Variants in ASB15 observed in about 807,000 individuals in gnomAD.
ASB15 encodes ankyrin repeat and SOCS box protein 15.
Under a neutral mutation model 58.0 loss-of-function variants are expected in ASB15, and 54 were observed. The observed-to-expected ratio is 0.93, with a 90% CI of 0.75 to 1.17. The LOEUF (loss-of-function observed/expected upper bound fraction) is 1.17, where lower values mean the gene tolerates loss of function less well. Among genes scored for constraint, ASB15 ranks in the 50% most tolerant of loss-of-function variants. The probability of loss-of-function intolerance (pLI) is 0.00; values close to 1 mark genes in which losing one functional copy is unlikely to be tolerated. For missense variants in ASB15, 680 were observed against 707.4 expected (o/e 0.96, Z 0.44); for synonymous variants, 249 against 262.4 (o/e 0.95, Z 0.50).
chr7:123,630,439 G>C (rs1481419622), intron 11 of ASB15, among the ~76,000 whole-genome samples: 1 of 152,124 alleles, frequency 6.6e-6, no homozygotes, highest in Non-Finnish European at 1.5e-5. Context: ...GATCTACTTT[G>C]TTTCTTGTTA....
intron 3 of ASB15, among the ~76,000 whole-genome samples, chr7:123,612,563 A>G (rs78708893): frequency 0.017 from 2,566 of 152,256 alleles, 74 homozygotes; most frequent in African/African-American, 0.058. Flanking sequence ...TGCCAGCCTT[A>G]ACACAGTGCG....
intron 1 of ASB15, among the ~76,000 whole-genome samples, chr7:123,587,045 AT>A (rs1228221627): frequency 1.3e-5 from 2 of 151,634 alleles, no homozygotes; most frequent in African/African-American, 4.8e-5. Context: ...TGATTTAGCC[AT>A]TTAAGGTCTT....
chr7:123,596,318 T>A (rs1007080676), intron 1 of ASB15: 1 of 152,056 alleles, frequency 6.6e-6, no homozygotes, highest in Non-Finnish European at 1.5e-5. Flanking sequence ...TGGATTTACA[T>A]TGAAATATTT....
intron 3 of ASB15, among the ~76,000 whole-genome samples, chr7:123,611,082 CAAA>C (rs34527165): frequency 0.11 from 8,594 of 81,768 alleles, 249 homozygotes; most frequent in African/African-American, 0.14. Flanking sequence ...AACTCCATCT[CAAA>C]AAAAAAAAAA....
rs1354092995 is a variant in ASB15 at position 123,638,912 on chromosome 7, G to A, written c.*1931G>A. 6.6e-6 allele frequency: 1 copy of A among 152,070 alleles called. No homozygotes were observed. The highest frequency in any genetic ancestry group is 1.9e-4 in the East Asian group (1 of 5,186). The allele number at this position is 152,070 out of a possible 1,614,324, so 9.4% of individuals were successfully genotyped here. On this transcript the variant is annotated 3_prime_UTR_variant, in exon 12 of 12. Transcript: ENST00000451215. The stretch of plus-strand genomic sequence containing the variant: ...TGAGGGTAGGTTCTATGTTTGTTTT[G>A]TTTTCCAGTGCTTTCTCAGGGCCAA...
chr7:123,591,527 G>A (rs1379390827), intron 1 of ASB15, among the ~76,000 whole-genome samples: 9 of 152,034 alleles, frequency 5.9e-5, no homozygotes, highest in African/African-American at 1.4e-4. Flanking sequence ...GAAGTTTGTC[G>A]AAGGCCTTTT....
intron 11 of ASB15, among the ~76,000 whole-genome samples, chr7:123,633,917 C>G (rs1010608370): frequency 6.6e-6 from 1 of 152,146 alleles, no homozygotes; most frequent in African/African-American, 2.4e-5. Flanking sequence ...CAGGGGCTAA[C>G]TTGAAGAGGC....
intron 8 of ASB15, 162 bp downstream of exon 8, chr7:123,624,976 C>A (rs1243799924): frequency 2.5e-6 from 2 of 798,808 alleles, no homozygotes; most frequent in Non-Finnish European, 1.9e-6. Context: ...CCTCAGTAGA[C>A]CCTTATTCTA....
At chr7:123,612,101 A>G (rs760800232) in intron 3 of ASB15, among the ~76,000 whole-genome samples, 7 of 152,204 alleles carry the variant, frequency 4.6e-5, no homozygotes, top group Admixed American at 2.6e-4. Context: ...TAAATAGGTG[A>G]AAGGCTCTGT....
chr7:123,608,555 T>A (rs1224278527), intron 2 of ASB15, 39 bp from the exon 3 acceptor site: 1 of 152,230 alleles, frequency 6.6e-6, no homozygotes, highest in African/African-American at 2.4e-5. Flanking sequence ...TTAAGAAAGA[T>A]GCTATTTAAA....
chr7:123,624,886 T>G (rs1801671564), intron 8 of ASB15, 72 bp downstream of exon 8: 1 of 1,489,422 alleles, frequency 6.7e-7, no homozygotes, highest in Non-Finnish European at 9.1e-7. Flanking sequence ...CATTCATCAC[T>G]CTTCCTCACC....
intron 3 of ASB15, among the ~76,000 whole-genome samples, chr7:123,611,919 T>C (rs1380625518): frequency 1.3e-5 from 2 of 151,854 alleles, no homozygotes; most frequent in Non-Finnish European, 2.9e-5. Flanking sequence ...CCTACTGTCA[T>C]TAGAGATACC....
At chr7:123,591,728 G>A (rs528191137) in intron 1 of ASB15, among the ~76,000 whole-genome samples, 4 of 152,196 alleles carry the variant, frequency 2.6e-5, no homozygotes, top group East Asian at 1.9e-4. Context: ...TTTTCACATC[G>A]ATGTTCATCA....
intron 1 of ASB15, among the ~76,000 whole-genome samples, chr7:123,594,440 T>G (rs539886865): frequency 6.6e-5 from 10 of 152,292 alleles, no homozygotes; most frequent in African/African-American, 2.4e-4. Context: ...GTCTTTGTTG[T>G]TGGTGACCTA....
intron 7 of ASB15, among the ~76,000 whole-genome samples, chr7:123,620,999 C>T (rs1276966749): frequency 6.6e-6 from 1 of 152,094 alleles, no homozygotes; most frequent in Non-Finnish European, 1.5e-5. Flanking sequence ...CTTCACTTTG[C>T]AAATACAGAA....
At position 123,629,402 on chromosome 7, in the gene ASB15, G is replaced by C; in HGVS notation, c.1408G>C (p.Gly470Arg). The C allele has an allele frequency of 6.2e-7, 1 of 1,612,214 alleles. No homozygotes were observed. The change falls in exon 10 of 12, where the codon GGA becomes CGA. Residue 470 changes from glycine to arginine, a missense_variant. Gly to Arg is a moderately radical substitution (Grantham distance 125). Coordinates refer to ENST00000451215, the MANE Select transcript of ASB15 (RefSeq NM_001290258.2). Reference sequence around the variant, plus strand: ...AGAGATACAGGAAGAGGTGCTGCCAGGATGGACATCTTGTGTAATAAAAGA... The same window carrying C: ...AGAGATACAGGAAGAGGTGCTGCCACGATGGACATCTTGTGTAATAAAAGA... The part of the protein sequence containing the change: ...WSEIQEEVLP[G>R]WTSCVIKDNP...
intron 7 of ASB15, among the ~76,000 whole-genome samples, chr7:123,619,579 A>G (rs1342414913): frequency 6.6e-6 from 1 of 152,022 alleles, no homozygotes; most frequent in African/African-American, 2.4e-5. Context: ...GCTGGAGTGC[A>G]GTGGCGCAAT....
intron 11 of ASB15, among the ~76,000 whole-genome samples, chr7:123,636,453 T>A (rs1802431575): frequency 6.6e-6 from 1 of 152,116 alleles, no homozygotes; most frequent in Admixed American, 6.5e-5. Flanking sequence ...AGTAAAGAAA[T>A]ATATAATATT....
At chr7:123,594,903 GA>G (rs1799651559) in intron 1 of ASB15, among the ~76,000 whole-genome samples, 1 of 152,224 alleles carries the variant, frequency 6.6e-6, no homozygotes, top group Non-Finnish European at 1.5e-5. Context: ...GTGGAATCAA[GA>G]GAGGCAGTAG....
Sources: allele counts gnomAD v4.1 joint callset (sites outside exome capture counted in the v4.1 genomes callset), GRCh38; gene constraint gnomAD v4.1.1; transcripts MANE v1.5; gene names NCBI Gene and HGNC (gene_info 2026-07-23, HGNC 2026-07-21).